Variants in ZNF407 observed in about 807,000 individuals in gnomAD.
ZNF407 encodes zinc finger protein 407.
ZNF407 carries 17 observed loss-of-function variants against 131.2 expected under a neutral mutation model. The observed-to-expected ratio is 0.13, with a 90% confidence interval of 0.09 to 0.19. The LOEUF (loss-of-function observed/expected upper bound fraction) is 0.19, where lower values mean the gene tolerates loss of function less well. Among genes scored for constraint, ZNF407 ranks in the 10% least tolerant of loss-of-function variants. The pLI is 1.00. For missense variants in ZNF407, 2,681 were observed against 2,830.6 expected, an observed-to-expected ratio of 0.95 and a Z score of 1.20; for synonymous variants, 1,156 against 1,062.0, an observed-to-expected ratio of 1.09 and a Z score of -1.72.
chr18:74,740,659 G>A (rs936770117), intron 3 of ZNF407, among the ~76,000 whole-genome samples: 1 of 152,092 alleles, frequency 6.6e-6, no homozygotes, highest in Non-Finnish European at 1.5e-5. Context: ...CATGGAGTGG[G>A]GATTTTTGGC....
intron 7 of ZNF407, 113 bp downstream of exon 7, chr18:74,890,151 C>T (rs1418472269): frequency 1.2e-5 from 14 of 1,190,958 alleles, no homozygotes; most frequent in Non-Finnish European, 1.5e-5. Flanking sequence ...TTCATATATT[C>T]GGTTGGGAGC....
chr18:74,772,605 C>G (rs1364525014), intron 3 of ZNF407, among the ~76,000 whole-genome samples: 1 of 152,044 alleles, frequency 6.6e-6, no homozygotes, highest in Non-Finnish European at 1.5e-5. Flanking sequence ...AGCTTTTTAT[C>G]TTTTATTTCA....
chr18:74,987,768 A>G (rs962768830), intron 8 of ZNF407, among the ~76,000 whole-genome samples: 2 of 152,220 alleles, frequency 1.3e-5, no homozygotes, highest in African/African-American at 4.8e-5. Context: ...CAAGACCTGT[A>G]CAATAAAAAC....
intron 8 of ZNF407, among the ~76,000 whole-genome samples, chr18:74,947,117 A>T (rs1972161944): frequency 6.6e-6 from 1 of 152,202 alleles, no homozygotes; most frequent in African/African-American, 2.4e-5. Flanking sequence ...GACTATGCTG[A>T]AACCGTTCAG....
chr18:74,794,290 T>C (rs917641934), intron 4 of ZNF407, among the ~76,000 whole-genome samples: 2 of 152,224 alleles, frequency 1.3e-5, no homozygotes, highest in Non-Finnish European at 2.9e-5. Flanking sequence ...AGGTTGATGT[T>C]AGCCAGTAAG....
intron 3 of ZNF407, among the ~76,000 whole-genome samples, chr18:74,658,034 A>C (rs1270328869): frequency 6.7e-6 from 1 of 149,308 alleles, no homozygotes; most frequent in Non-Finnish European, 1.5e-5. Context: ...CTTCATGTGG[A>C]ACTGAAAATA....
intron 3 of ZNF407, among the ~76,000 whole-genome samples, chr18:74,725,747 T>C (rs1350555444): frequency 6.6e-6 from 1 of 152,226 alleles, no homozygotes; most frequent in Non-Finnish European, 1.5e-5. Context: ...TTTTTATGTT[T>C]TCATGTGTAG....
At chr18:74,699,567 G>T (rs530814352) in intron 3 of ZNF407, among the ~76,000 whole-genome samples, 26 of 152,256 alleles carry the variant, frequency 1.7e-4, no homozygotes, top group African/African-American at 6.0e-4. Flanking sequence ...TGGCAGAGGA[G>T]TGGAGAATTA....
At chr18:74,847,880 CAG>C (rs1445134664) in intron 4 of ZNF407, among the ~76,000 whole-genome samples, 1 of 151,150 alleles carries the variant, frequency 6.6e-6, no homozygotes, top group African/African-American at 2.4e-5. Flanking sequence ...CTACCCAGCA[CAG>C]TGTTTTCATC....
chr18:74,975,037 A>T (rs948833461), intron 8 of ZNF407, among the ~76,000 whole-genome samples: 2 of 152,256 alleles, frequency 1.3e-5, no homozygotes, highest in African/African-American at 2.4e-5. Flanking sequence ...TACTTACGTC[A>T]TGCAGGATTT....
intron 3 of ZNF407, among the ~76,000 whole-genome samples, chr18:74,755,909 T>TTTTC (rs1250874860): frequency 8.1e-6 from 1 of 122,744 alleles, no homozygotes; most frequent in African/African-American, 3.2e-5. Context: ...TTTTTTTTTT[T>TTTTC]TTGAGACTGA....
At chr18:74,749,077 G>A (rs924112275) in intron 3 of ZNF407, among the ~76,000 whole-genome samples, 1 of 152,176 alleles carries the variant, frequency 6.6e-6, no homozygotes, top group Non-Finnish European at 1.5e-5. Flanking sequence ...ACAGCAGGTG[G>A]CTGCTGTCAT....
At chr18:75,001,308 T>G (rs907379948) in intron 8 of ZNF407, among the ~76,000 whole-genome samples, 3 of 152,202 alleles carry the variant, frequency 2.0e-5, no homozygotes, top group African/African-American at 7.2e-5. Flanking sequence ...TGATATCTTT[T>G]TATGAAATGT....
chr18:74,737,237 A>T (rs976349746), intron 3 of ZNF407, among the ~76,000 whole-genome samples: 2 of 152,216 alleles, frequency 1.3e-5, no homozygotes, highest in African/African-American at 4.8e-5. Flanking sequence ...AAGCAAGATA[A>T]TGAGCAGAGC....
At chr18:74,669,431 T>TC (rs765009010) in intron 3 of ZNF407, among the ~76,000 whole-genome samples, 16 of 152,240 alleles carry the variant, frequency 1.1e-4, no homozygotes, top group Admixed American at 2.0e-4. Context: ...GGGAAGGTAC[T>TC]CCCCCACCCC....
chr18:74,901,068 C>T (rs893266075), intron 7 of ZNF407, among the ~76,000 whole-genome samples: 2 of 151,988 alleles, frequency 1.3e-5, no homozygotes, highest in South Asian at 2.1e-4. Context: ...AGATAGGGAA[C>T]GTGATTTGTT....
intron 8 of ZNF407, among the ~76,000 whole-genome samples, chr18:75,031,985 T>C (rs1284858761): frequency 6.6e-6 from 1 of 152,214 alleles, no homozygotes; most frequent in Non-Finnish European, 1.5e-5. Flanking sequence ...CTAAGATATT[T>C]ACATAATTTA....
At chr18:74,698,710 T>C (rs1341312186) in intron 3 of ZNF407, among the ~76,000 whole-genome samples, 15 of 152,170 alleles carry the variant, frequency 9.9e-5, no homozygotes, top group Non-Finnish European at 5.9e-5. Context: ...GAGAAAGATG[T>C]AAACTGAGAA....
intron 4 of ZNF407, among the ~76,000 whole-genome samples, chr18:74,783,088 C>G (rs534996868): frequency 1.3e-5 from 2 of 152,152 alleles, no homozygotes; most frequent in Non-Finnish European, 2.9e-5. Context: ...AGAAACAGAA[C>G]ATATTTGTAA....
Sources: allele counts gnomAD v4.1 joint callset (sites outside exome capture counted in the v4.1 genomes callset), GRCh38; gene constraint gnomAD v4.1.1; transcripts MANE v1.5; gene names NCBI Gene and HGNC (gene_info 2026-07-23, HGNC 2026-07-21).